The following NALF1 variants were observed in gnomAD, a reference collection of about 807,000 sequenced individuals.
NALF1 encodes the protein NALCN channel auxiliary factor 1, also known as family with sequence similarity 155 member A.
Under a neutral mutation model 48.4 loss-of-function variants are expected in NALF1, and 3 were observed. The observed-to-expected ratio is 0.06, with a 90% CI of 0.03 to 0.16. The LOEUF (loss-of-function observed/expected upper bound fraction) is 0.16, where lower values mean the gene tolerates loss of function less well. NALF1 is among the 10% of genes least tolerant of loss of function. NALF1 has a pLI of 1.00. For missense variants in NALF1, 526 were observed against 571.5 expected (o/e 0.92, Z 0.81); for synonymous variants, 262 against 245.7 (o/e 1.07, Z -0.62).
In NALF1 at chr13:107,375,950, A is replaced by G. The variant is rs1190469611; in HGVS notation, c.916-165195T>C. Among the ~76,000 whole-genome samples the G allele has an allele frequency of 2.0e-5, 3 of 152,032 alleles. No homozygotes were observed. The East Asian group carries it at 5.8e-4, about 29-fold the overall frequency. On this transcript the variant is annotated intron_variant, in intron 1 of 2. Coordinates refer to ENST00000375915, the MANE Select transcript of NALF1 (RefSeq NM_001080396.3). ...CACACACACACACACACACATACAC[A>G]CACACACAGAATGATGAATGGGGCC...
intron 1 of NALF1, among the ~76,000 whole-genome samples, chr13:107,292,231 TA>T (rs916967782): frequency 1.3e-5 from 2 of 152,040 alleles, no homozygotes; most frequent in Non-Finnish European, 2.9e-5. Flanking sequence ...AAATACAGTA[TA>T]AAAAATAGAA....
chr13:107,614,784 T>C (rs1257797389), intron 1 of NALF1, among the ~76,000 whole-genome samples: 2 of 151,692 alleles, frequency 1.3e-5, no homozygotes, highest in African/African-American at 4.8e-5. Flanking sequence ...TTTTCTTTCT[T>C]TTCTTTTTTT....
At chr13:107,822,049 C>A (rs2138618195) in intron 1 of NALF1, among the ~76,000 whole-genome samples, 1 of 152,172 alleles carries the variant, frequency 6.6e-6, no homozygotes, top group East Asian at 1.9e-4. Context: ...AAATTAATCA[C>A]AACTATGTCT....
intron 1 of NALF1, among the ~76,000 whole-genome samples, chr13:107,596,794 C>A (rs1878766368): frequency 6.6e-6 from 1 of 152,110 alleles, no homozygotes; most frequent in Non-Finnish European, 1.5e-5. Context: ...GCCCATTCTG[C>A]ACATGTATCC....
At position 107,414,017 on chromosome 13, in the gene NALF1, C is replaced by A. The variant is rs113436057; in HGVS notation, c.916-203262G>T. ...GGCCAGGCTGGACTGGAACTCCTGA[C>A]CTCAGGTGCTCAGCCCACCTTGGCC... On this transcript the variant is annotated intron_variant, in intron 1 of 2. Transcript: ENST00000375915. Among the ~76,000 whole-genome samples the A allele has an allele frequency of 9.2e-3, 1,407 of 152,262 alleles. 27 individuals carry two copies. Among genetic ancestry groups the A allele is most frequent in the African/African-American group, 0.032 (1,311 of 41,568 alleles).
intron 1 of NALF1, among the ~76,000 whole-genome samples, chr13:107,390,462 T>C (rs1371279116): frequency 1.3e-5 from 2 of 152,048 alleles, no homozygotes; most frequent in Non-Finnish European, 2.9e-5. Context: ...CTTGAATCAA[T>C]AAAGTATCTT....
intron 1 of NALF1, among the ~76,000 whole-genome samples, chr13:107,399,625 A>T (rs1378232206): frequency 6.6e-6 from 1 of 152,040 alleles, no homozygotes; most frequent in African/African-American, 2.4e-5. Flanking sequence ...TGTTGATTCA[A>T]ATTCCTTGGT....
rs74116536 is a variant in NALF1, at chr13:107,219,515, C to A, written c.916-8760G>T. Among the ~76,000 whole-genome samples, 1,520 of 152,180 alleles carry A rather than the reference C, an allele frequency of 1.0e-2. 34 individuals carry two copies. Among genetic ancestry groups the A allele is most frequent in the African/African-American group, 0.035 (1,451 of 41,498 alleles). On this transcript the variant is annotated intron_variant, in intron 1 of 2. Transcript: ENST00000375915. ...CTTAAATAAGAAATCTGAAACTAAT[C>A]TAAGGATATAAAGGGATAATATATT...
At chr13:107,447,259 A>T (rs1011230397) in intron 1 of NALF1, among the ~76,000 whole-genome samples, 31 of 147,438 alleles carry the variant, frequency 2.1e-4, no homozygotes, top group African/African-American at 5.0e-5. Context: ...CTTTTTGTTT[A>T]TTTGTATTTA....
chr13:107,697,367 G>GA (rs1020084106), intron 1 of NALF1, among the ~76,000 whole-genome samples: 17 of 151,622 alleles, frequency 1.1e-4, no homozygotes, highest in African/African-American at 2.2e-4. Flanking sequence ...TAATTTAAGT[G>GA]AAAAAAAATC....
intron 1 of NALF1, among the ~76,000 whole-genome samples, chr13:107,573,722 T>C (rs531835009): frequency 5.3e-5 from 8 of 152,264 alleles, no homozygotes; most frequent in South Asian, 4.1e-4. Context: ...TCATGGCATC[T>C]GGTCTTTCCT....
chr13:107,647,086 G>C (rs1480861557), intron 1 of NALF1, among the ~76,000 whole-genome samples: 1 of 152,034 alleles, frequency 6.6e-6, no homozygotes, highest in African/African-American at 2.4e-5. Context: ...ATATCCTAAA[G>C]AGACTGGTTA....
At chr13:107,571,358 A>G (rs1257022085) in intron 1 of NALF1, among the ~76,000 whole-genome samples, 4 of 152,150 alleles carry the variant, frequency 2.6e-5, no homozygotes, top group African/African-American at 9.7e-5. Flanking sequence ...GAGGGGCTGG[A>G]GATTGACTTG....
rs1251053058 is a variant in NALF1 at position 107,196,568 on chromosome 13, T to C, written c.1087+14016A>G. 2.0e-5 allele frequency among the ~76,000 whole-genome samples: 3 copies of C among 152,190 alleles called. No individual in the cohort carries two copies. In the South Asian group the frequency reaches 6.2e-4, roughly 31 times the overall value. On this transcript the variant is annotated intron_variant, in intron 2 of 2. Transcript: ENST00000375915. ...ATGTGGATGAACCTAGGGGACATTA[T>C]GTTAAGTGAAATAAGCCAGACACAG...
At chr13:107,792,676 T>C (rs1377418875) in intron 1 of NALF1, among the ~76,000 whole-genome samples, 1 of 152,224 alleles carries the variant, frequency 6.6e-6, no homozygotes, top group South Asian at 2.1e-4. Context: ...TCCAGATGTA[T>C]GTTAGTTAAA....
chr13:107,421,636 T>TA (rs1044894984), intron 1 of NALF1, among the ~76,000 whole-genome samples: 1 of 151,816 alleles, frequency 6.6e-6, no homozygotes, highest in Non-Finnish European at 1.5e-5. Flanking sequence ...AACGAGAGGG[T>TA]AGTTATGCTC....
intron 1 of NALF1, among the ~76,000 whole-genome samples, chr13:107,627,393 T>C: frequency 6.6e-6 from 1 of 152,082 alleles, no homozygotes; most frequent in East Asian, 1.9e-4. Flanking sequence ...CGATTATTAT[T>C]AGAAAAGCCT....
chr13:107,491,997 A>C (rs116281873), intron 1 of NALF1, among the ~76,000 whole-genome samples: 2,678 of 148,418 alleles, frequency 0.018, 97 homozygotes, highest in African/African-American at 0.063. Context: ...TAGGCTCCAA[A>C]TGTACACGTG....
At chr13:107,722,378 G>C (rs1485243410) in intron 1 of NALF1, among the ~76,000 whole-genome samples, 1 of 152,104 alleles carries the variant, frequency 6.6e-6, no homozygotes, top group African/African-American at 2.4e-5. Context: ...TTCCAGAAAT[G>C]AAAGTTATAA....
Sources: gnomAD v4.1 joint callset for allele counts (sites outside exome capture counted in the v4.1 genomes callset) on GRCh38, gnomAD v4.1.1 for gene constraint, MANE v1.5 for transcripts, NCBI Gene and HGNC (gene_info 2026-07-23, HGNC 2026-07-21) for gene names.